Variants in VSIG8 observed in about 807,000 individuals in gnomAD.
VSIG8 encodes V-set and immunoglobulin domain-containing protein 8.
A neutral mutation model predicts 42.6 loss-of-function variants in VSIG8; 32 were observed. The observed-to-expected ratio is 0.75, with a 90% confidence interval of 0.57 to 1.01. The LOEUF (loss-of-function observed/expected upper bound fraction) is 1.01. Ranked by LOEUF, VSIG8 falls within the 50% of genes least tolerant of loss-of-function variation. The pLI is 0.00. For synonymous variants in VSIG8, 290 were observed against 243.8 expected (o/e 1.19, Z -1.77); for missense variants, 529 against 558.0 (o/e 0.95, Z 0.52).
Position 159,854,905 on chromosome 1 carries a change from AG to A in VSIG8, c.1092del (p.Cys365AlafsTer93). On this transcript the variant is annotated frameshift_variant, in exon 7 of 7. Transcript: ENST00000368100. LOFTEE classifies it high-confidence loss of function. ...AGGGCCACGTCCTCGGGGCCGCCGC[AG>A]GGGGGAGGCGCGTACTTGCGGCGCA... ...RSLRRKYAPP[P>X]CGGPEDVALA... 1.3e-6 allele frequency: 2 copies of A among 1,484,628 alleles called. No individual in the cohort carries two copies. Among genetic ancestry groups the A allele is most frequent in the South Asian group, 1.3e-5 (1 of 77,066 alleles). The allele number at this position is 1,484,628 out of a possible 1,614,324, so 92.0% of individuals were successfully genotyped here.
chr1:159,860,299 A>G (rs927595995), intron 1 of VSIG8, among the ~76,000 whole-genome samples: 3 of 152,198 alleles, frequency 2.0e-5, no homozygotes, highest in African/African-American at 4.8e-5. Context: ...CTTCCTACAA[A>G]CACAGACACT....
At chr1:159,856,348 A>T (rs993966549) in intron 5 of VSIG8, among the ~76,000 whole-genome samples, 176 bp downstream of exon 5, 1 of 152,154 alleles carries the variant, frequency 6.6e-6, no homozygotes, top group African/African-American at 2.4e-5. Context: ...ACCCAGCTCA[A>T]TAGGGTCAAG....
chr1:159,856,032 G>A lies in VSIG8; in HGVS notation c.822C>T (p.Leu274=), dbSNP rs547426977. The A allele has an allele frequency of 1.4e-5, 22 of 1,611,992 alleles. No homozygotes were observed. Among genetic ancestry groups the A allele is most frequent in the Non-Finnish European group, 1.7e-5 (20 of 1,179,292 alleles). Residue 274 remains leucine (L), a synonymous_variant, in exon 6 of 7, where the codon CTC becomes CTT. Transcript: ENST00000368100. ...TGCCTACGGCCAGGCAGCCCAGCGCGAGCAGAGAGCCCAGGACGATGCCGA... is the reference window on the plus strand; with the variant it reads ...TGCCTACGGCCAGGCAGCCCAGCGCAAGCAGAGAGCCCAGGACGATGCCGA... ...VIIGIVLGSL[L]ALGCLAVGIW...
Position 159,856,049 on chromosome 1 carries a change from C to T in VSIG8, c.805G>A (p.Val269Ile), listed in dbSNP as rs776780030. 14 of 1,612,262 alleles carry T rather than the reference C, an allele frequency of 8.7e-6. No homozygotes were observed. The East Asian group carries it at 1.8e-4, about 21-fold the overall frequency. Reference sequence around the variant, plus strand: ...CCCAGCGCGAGCAGAGAGCCCAGGACGATGCCGATGATCACGCCTATACGC... The same window carrying T: ...CCCAGCGCGAGCAGAGAGCCCAGGATGATGCCGATGATCACGCCTATACGC... ...SRRIGVIIGIVLGSLLALGCL... is the reference protein window; with the variant it reads ...SRRIGVIIGIILGSLLALGCL... Residue 269 changes from valine (V) to isoleucine (I), a missense_variant, in exon 6 of 7, where the codon GTC (valine) becomes ATC (isoleucine). Transcript: ENST00000368100.
chr1:159,854,903 G>A lies in VSIG8; in HGVS notation c.1095C>T (p.Cys365=), dbSNP rs1291489366. ...SLRRKYAPPP[C]GGPEDVALAP... ...CCAGGGCCACGTCCTCGGGGCCGCC[G>A]CAGGGGGGAGGCGCGTACTTGCGGC... Residue 365 remains cysteine, a synonymous_variant, in exon 7 of 7, where the codon TGC becomes TGT. Transcript: ENST00000368100. 4 of 1,483,454 alleles carry A rather than the reference G, an allele frequency of 2.7e-6. No individual in the cohort carries two copies. Among genetic ancestry groups the A allele is most frequent in the Non-Finnish European group, 3.6e-6 (4 of 1,125,664 alleles). The allele number at this position is 1,483,454 out of a possible 1,614,324, so 91.9% of individuals were successfully genotyped here.
chr1:159,862,504 T>C lies in VSIG8; in HGVS notation c.18A>G (p.Ala6=). The change falls in exon 1 of 7, where the codon GCA becomes GCG. Residue 6 remains alanine, a synonymous_variant. Transcript: ENST00000368100. MRVGG[A]FHLLLVCLSP... ...TCAGGCACACGAGTAGAAGGTGGAA[T>C]GCTCCTCCAACTCTCATGTCTCTAG... is the stretch of plus-strand genomic sequence containing the variant. 1 of 1,613,242 alleles carries C rather than the reference T, an allele frequency of 6.2e-7. No homozygotes were observed.
At position 159,854,617 on chromosome 1, in the gene VSIG8, G is replaced by T; in HGVS notation, c.*136C>A. 1 of 1,326,804 alleles carries T rather than the reference G, an allele frequency of 7.5e-7. No individual in the cohort carries two copies. The highest frequency in any genetic ancestry group is 1.9e-5 in the South Asian group (1 of 52,342). 82.2% of individuals were successfully genotyped at this position (1,326,804 alleles called of 1,614,324 possible). ...CTGCCTCCCTACGCATTTCCTTAGG[G>T]AAATGCCTTCACCCCCAGCCGCCTG... On this transcript the variant is annotated 3_prime_UTR_variant, in exon 7 of 7. Transcript: ENST00000368100.
rs1648754140 is a variant in VSIG8 at position 159,854,874 on chromosome 1, G to A, written c.1124C>T (p.Pro375Leu). The part of the protein sequence containing the change: ...CGGPEDVALA[P>L]CTAAAACEAG... ...TTCGCAGGCGGCGGCGGCGGTGCAGGGCGCCAGGGCCACGTCCTCGGGGCC... is the reference window on the plus strand; with the variant it reads ...TTCGCAGGCGGCGGCGGCGGTGCAGAGCGCCAGGGCCACGTCCTCGGGGCC... Residue 375 changes from proline (P) to leucine (L), a missense_variant, in exon 7 of 7, where the codon CCC (proline) becomes CTC (leucine). Physicochemically the swap from Pro to Leu is moderately conservative, Grantham distance 98. Transcript: ENST00000368100. 5 of 1,471,684 alleles carry A rather than the reference G, an allele frequency of 3.4e-6. No individual in the cohort carries two copies. The South Asian group carries it at 5.3e-5, about 16-fold the overall frequency. The allele number at this position is 1,471,684 out of a possible 1,614,324, so 91.2% of individuals were successfully genotyped here. A position where few individuals can be genotyped will look rare whatever the true frequency, so the allele number is the denominator to read the frequency against.
Position 159,858,187 on chromosome 1 carries a change from G to T in VSIG8, c.333C>A (p.Ile111=). 6.2e-7 allele frequency: 1 copy of T among 1,614,272 alleles called. No individual in the cohort carries two copies. The highest frequency in any genetic ancestry group is 8.5e-7 in the Non-Finnish European group (1 of 1,180,046). ...ASDPSQYDAS[I]NLMNLQVSDT... ...CAGATACCTGCAGGTTCATGAGGTT[G>T]ATGGAGGCATCGTACTGGCTTGGGT... The change falls in exon 3 of 7, where the codon ATC becomes ATA. Residue 111 remains isoleucine (I), a synonymous_variant. Transcript: ENST00000368100.
At chr1:159,861,034 T>G (rs1359237277) in intron 1 of VSIG8, 2 of 152,226 alleles carry the variant, frequency 1.3e-5, no homozygotes, top group Non-Finnish European at 2.9e-5. Flanking sequence ...TCCCTCTCCT[T>G]GGGAAGTTGC....
intron 1 of VSIG8, chr1:159,860,606 C>T (rs1648989073): frequency 6.6e-6 from 1 of 152,286 alleles, no homozygotes; most frequent in African/African-American, 2.4e-5. Flanking sequence ...GGCAGGCTGA[C>T]TGCTGGGGCT....
In VSIG8 at chr1:159,855,856, C is replaced by T. The variant is rs749931947; in HGVS notation, c.971+27G>A. On this transcript the variant is annotated intron_variant, in intron 6 of 6. Transcript: ENST00000368100. ...AGGGCGCCGGTTCCCTGCCGCACAGCAGCATGCAGCATGCATCAGGTTTTA... is the reference window on the plus strand; with the variant it reads ...AGGGCGCCGGTTCCCTGCCGCACAGTAGCATGCAGCATGCATCAGGTTTTA... The T allele has an allele frequency of 7.2e-6, 11 of 1,532,974 alleles. No individual in the cohort carries two copies. The South Asian group carries it at 7.7e-5, about 11-fold the overall frequency. 95.0% of individuals were successfully genotyped at this position (1,532,974 alleles called of 1,614,324 possible). A position where few individuals can be genotyped will look rare whatever the true frequency, so the allele number is the denominator to read the frequency against.
chr1:159,862,321 G>A (rs1571171079), intron 1 of VSIG8, 152 bp downstream of exon 1: 1 of 723,740 alleles, frequency 1.4e-6, no homozygotes, highest in East Asian at 2.8e-5. Flanking sequence ...AGGTCCCCTG[G>A]TAATACCCAC....
intron 5 of VSIG8, 136 bp downstream of exon 5, chr1:159,856,388 A>T (rs1648825849): frequency 6.9e-7 from 1 of 1,457,476 alleles, no homozygotes; most frequent in African/African-American, 1.4e-5. Context: ...GCCCACTTGT[A>T]GGAAAGGGGC....
At chr1:159,857,686 G>A (rs1648885008) in intron 4 of VSIG8, 59 bp downstream of exon 4, 2 of 1,457,724 alleles carry the variant, frequency 1.4e-6, no homozygotes, top group South Asian at 2.4e-5. Flanking sequence ...ACCCCAACAG[G>A]TCCCAGAGTC....
At chr1:159,855,778 A>AC (rs1648797009) in intron 6 of VSIG8, 105 bp downstream of exon 6, 1 of 1,345,192 alleles carries the variant, frequency 7.4e-7, no homozygotes, top group Non-Finnish European at 9.6e-7. Flanking sequence ...GATGGCGGGC[A>AC]GGGTTGGGGT....
chr1:159,862,107 C>T, intron 1 of VSIG8: 1 of 265,306 alleles, frequency 3.8e-6, no homozygotes, highest in Non-Finnish European at 7.1e-6. Context: ...CCTGAGCCCT[C>T]ACCCAATGCC....
At chr1:159,857,467 C>T (rs534825711) in intron 4 of VSIG8, among the ~76,000 whole-genome samples, 3 of 151,768 alleles carry the variant, frequency 2.0e-5, no homozygotes, top group East Asian at 1.9e-4. Context: ...CCCAGCTACT[C>T]GGGAGGCAGA....
intron 6 of VSIG8, 172 bp downstream of exon 6, chr1:159,855,711 G>A (rs796500003): frequency 1.1e-6 from 1 of 950,660 alleles, no homozygotes; most frequent in Non-Finnish European, 1.3e-6. Context: ...GCAGGGGGAG[G>A]GGAAAGCCAT....
Sources: gnomAD v4.1 joint callset for allele counts (sites outside exome capture counted in the v4.1 genomes callset) on GRCh38, gnomAD v4.1.1 for gene constraint, MANE v1.5 for transcripts, NCBI Gene and HGNC (gene_info 2026-07-23, HGNC 2026-07-21) for gene names.